MARCHF1: variants seen among roughly 807,000 people sequenced by gnomAD.
The protein encoded by MARCHF1 is E3 ubiquitin-protein ligase MARCHF1.
A neutral mutation model predicts 54.2 loss-of-function variants in MARCHF1; 40 were observed. The observed-to-expected ratio is 0.74, with a 90% CI of 0.57 to 0.96. MARCHF1 has a LOEUF of 0.96. MARCHF1 is among the 40% of genes least tolerant of loss of function. The pLI is 0.00. For missense variants in MARCHF1, 586 were observed against 656.5 expected (o/e 0.89, Z 1.17); for synonymous variants, 236 against 236.3 (o/e 1.00, Z 0.01).
intron 3 of MARCHF1, among the ~76,000 whole-genome samples, chr4:163,865,733 G>A (rs1022183095): frequency 6.6e-6 from 1 of 151,512 alleles, no homozygotes; most frequent in African/African-American, 2.4e-5. Context: ...TGGGGTGGGG[G>A]TGTTTTATTA....
intron 3 of MARCHF1, among the ~76,000 whole-genome samples, chr4:163,962,633 T>G (rs1162723434): frequency 6.6e-6 from 1 of 151,954 alleles, no homozygotes; most frequent in Non-Finnish European, 1.5e-5. Context: ...AGTTAGAAAT[T>G]GTTTAAGGCA....
intron 5 of MARCHF1, among the ~76,000 whole-genome samples, chr4:163,685,464 T>G (rs1159297944): frequency 6.6e-6 from 1 of 152,154 alleles, no homozygotes; most frequent in Admixed American, 6.5e-5. Context: ...TTTTTATTTT[T>G]ATTGTCTTAG....
chr4:164,179,150 G>A (rs931820891), intron 1 of MARCHF1, among the ~76,000 whole-genome samples: 1 of 152,048 alleles, frequency 6.6e-6, no homozygotes, highest in Admixed American at 6.6e-5. Flanking sequence ...GTTTGCCAGG[G>A]GCATAATCCC....
At chr4:164,191,435 C>A (rs1731120584) in intron 1 of MARCHF1, among the ~76,000 whole-genome samples, 1 of 152,092 alleles carries the variant, frequency 6.6e-6, no homozygotes, top group Admixed American at 6.6e-5. Context: ...AGAAATGTTG[C>A]CAATAACTCA....
intron 2 of MARCHF1, among the ~76,000 whole-genome samples, chr4:164,079,274 C>A (rs914912665): frequency 5.3e-5 from 8 of 151,992 alleles, no homozygotes; most frequent in Admixed American, 2.6e-4. Context: ...TTCTGGAAGA[C>A]CAATATTTTA....
At position 163,637,970 on chromosome 4, in the gene MARCHF1, T is replaced by G. The variant is rs201722527; in HGVS notation, c.163-24577A>C. ...ACATGGATGAAATTGGAAATCATCA[T>G]TCTCAGTAAACTATCGCAAGAACAA... On this transcript the variant is annotated intron_variant, in intron 5 of 9. Coordinates refer to ENST00000514618, the MANE Select transcript of MARCHF1 (RefSeq NM_001394959.1). Among the ~76,000 whole-genome samples the G allele has an allele frequency of 1.6e-4, 24 of 150,976 alleles. No individual in the cohort carries two copies. The South Asian group carries it at 5.1e-3, about 32-fold the overall frequency.
intron 8 of MARCHF1, among the ~76,000 whole-genome samples, chr4:163,555,239 G>C (rs146896736): frequency 6.6e-6 from 1 of 152,146 alleles, no homozygotes; most frequent in Admixed American, 6.5e-5. Context: ...TATATCTGGG[G>C]GTGTGGCCTA....
chr4:164,132,085 T>C (rs1030589605), intron 1 of MARCHF1, among the ~76,000 whole-genome samples: 2 of 152,160 alleles, frequency 1.3e-5, no homozygotes, highest in African/African-American at 4.8e-5. Flanking sequence ...AACCTGTAGC[T>C]GCCTGTTAGC....
chr4:163,764,762 C>A (rs1305241084), intron 4 of MARCHF1, among the ~76,000 whole-genome samples: 1 of 151,996 alleles, frequency 6.6e-6, no homozygotes, highest in Admixed American at 6.6e-5. Context: ...TAGTTTCAAC[C>A]ATTTCCCACT....
chr4:163,906,636 T>A (rs1751073650), intron 3 of MARCHF1, among the ~76,000 whole-genome samples: 1 of 151,942 alleles, frequency 6.6e-6, no homozygotes, highest in East Asian at 1.9e-4. Flanking sequence ...GTAGCAAGTT[T>A]GCATCTTTTT....
chr4:164,037,573 C>A (rs1754031996), intron 2 of MARCHF1, among the ~76,000 whole-genome samples: 1 of 152,088 alleles, frequency 6.6e-6, no homozygotes, highest in Non-Finnish European at 1.5e-5. Context: ...ATCTCTCATG[C>A]AGGAAAATTC....
At chr4:163,891,806 C>T (rs913082211) in intron 3 of MARCHF1, among the ~76,000 whole-genome samples, 4 of 152,056 alleles carry the variant, frequency 2.6e-5, no homozygotes, top group Admixed American at 2.0e-4. Flanking sequence ...TTCTTTCTTT[C>T]TTTTTTAATA....
At chr4:164,152,958 T>G (rs1729983307) in intron 1 of MARCHF1, among the ~76,000 whole-genome samples, 1 of 152,206 alleles carries the variant, frequency 6.6e-6, no homozygotes, top group African/African-American at 2.4e-5. Flanking sequence ...ATTTTATTGA[T>G]GTCTCTTGCC....
intron 3 of MARCHF1, among the ~76,000 whole-genome samples, chr4:163,944,152 T>C (rs1282234245): frequency 1.3e-5 from 2 of 148,242 alleles, no homozygotes; most frequent in East Asian, 2.0e-4. Context: ...TTTTTTTTTT[T>C]TTTGTATTTT....
chr4:163,613,289 T>C (rs753991520), intron 6 of MARCHF1, 25 bp downstream of exon 6: 2 of 1,584,698 alleles, frequency 1.3e-6, no homozygotes, highest in East Asian at 2.2e-5. Flanking sequence ...AGAATATAGA[T>C]TAAGATAATT....
chr4:164,051,172 T>A (rs1325704567), intron 2 of MARCHF1, among the ~76,000 whole-genome samples: 1 of 152,202 alleles, frequency 6.6e-6, no homozygotes, highest in Non-Finnish European at 1.5e-5. Flanking sequence ...CAGATTTTTA[T>A]CTTATATATA....
At chr4:163,566,755 C>A (rs538036702) in intron 8 of MARCHF1, among the ~76,000 whole-genome samples, 92 of 152,256 alleles carry the variant, frequency 6.0e-4, no homozygotes, top group African/African-American at 2.0e-3. Flanking sequence ...AGTGAACACA[C>A]ATAGCATCAA....
In MARCHF1 at chr4:164,200,616, TTTAACGA is replaced by T. The variant is rs1731425984; in HGVS notation, c.-322-88961_-322-88955del. Among the ~76,000 whole-genome samples, 33 of 152,330 alleles carry T rather than the reference TTTAACGA, an allele frequency of 2.2e-4. No individual in the cohort carries two copies. In the South Asian group the frequency reaches 6.8e-3, roughly 32 times the overall value. ...TATCTTTCTTCAAAAATGTTATACA[TTTAACGA>T]TTTATTCTTCAAATATTGTATAACT... On this transcript the variant is annotated intron_variant, in intron 1 of 9. Coordinates refer to ENST00000514618, the MANE Select transcript of MARCHF1 (RefSeq NM_001394959.1).
chr4:164,045,312 G>C (rs1754218598), intron 2 of MARCHF1, among the ~76,000 whole-genome samples: 1 of 151,720 alleles, frequency 6.6e-6, no homozygotes. Context: ...AGGAGTTTGA[G>C]ATCAGCCTGG....
Sources: gnomAD v4.1 joint callset for allele counts (sites outside exome capture counted in the v4.1 genomes callset) on GRCh38, gnomAD v4.1.1 for gene constraint, MANE v1.5 for transcripts, NCBI Gene and HGNC (gene_info 2026-07-23, HGNC 2026-07-21) for gene names.